GRIN2C: variants seen among roughly 807,000 people sequenced by gnomAD.
The protein encoded by GRIN2C is glutamate ionotropic receptor NMDA type subunit 2C.
A neutral mutation model predicts 77.7 loss-of-function variants in GRIN2C; 64 were observed. The observed-to-expected ratio is 0.82, with a 90% CI of 0.67 to 1.01. GRIN2C has a LOEUF of 1.01. GRIN2C is among the 50% of genes least tolerant of loss of function. The pLI, the probability that GRIN2C is intolerant of heterozygous loss-of-function variation, is 0.00. For missense variants in GRIN2C, 1,549 were observed against 1,486.0 expected (o/e 1.04, Z -0.70); for synonymous variants, 792 against 643.4 (o/e 1.23, Z -3.49).
At chr17:74,859,912 C>G, upstream of GRIN2C, 1 of 165,176 alleles carries the variant, frequency 6.1e-6, no homozygotes, top group South Asian at 1.7e-4. The surrounding 1 kb of genome is among the most constrained non-coding windows in gnomAD (Gnocchi z 5.9). Context: ...GCGGCGGCTC[C>G]GGGCGGGGAC....
At position 74,850,285 on chromosome 17, in the gene GRIN2C, A is replaced by C. The variant is rs1318635275; in HGVS notation, c.1412T>G (p.Phe471Cys). 1.9e-6 allele frequency: 3 copies of C among 1,613,574 alleles called. No homozygotes were observed. The highest frequency in any genetic ancestry group is 8.5e-7 in the Non-Finnish European group (1 of 1,179,934). ...GGTCACCAGGTACAGGTCGTAGGAG[A>C]ATTTGACCACTCTGGCCAGCTTCTT... ...ILKKLARVVK[F>C]SYDLYLVTNG... Residue 471 changes from phenylalanine to cysteine, a missense_variant, in exon 6 of 13, where the codon TTC becomes TGC. Around this residue, in one of 3 missense-constraint regions of GRIN2C, gnomAD observed 717 missense variants for 858.1 expected, o/e 0.84. Transcript: ENST00000293190. The surrounding 1 kb of genome is among the most constrained non-coding windows in gnomAD (Gnocchi z 5.3).
Position 74,850,791 on chromosome 17 carries a change from C to G in GRIN2C, c.1114-24G>C, listed in dbSNP as rs371243574. 156 of 1,585,346 alleles carry G rather than the reference C, an allele frequency of 9.8e-5. No individual in the cohort carries two copies. The highest frequency in any genetic ancestry group is 1.2e-4 in the Non-Finnish European group (142 of 1,161,166). ...ACCTGTGGAGGGTGACAGCCTCAGC[C>G]TGGGGCCTCCAGCCCTACAGCCCCC... On this transcript the variant is annotated intron_variant, in intron 4 of 12. Coordinates refer to ENST00000293190, the MANE Select transcript of GRIN2C (RefSeq NM_000835.6). The surrounding 1 kb of genome is among the most constrained non-coding windows in gnomAD (Gnocchi z 5.3).
rs913818899 is a variant in GRIN2C, at chr17:74,849,206, G to T, written c.1645+574C>A. Among the ~76,000 whole-genome samples, 3 of 152,002 alleles carry T rather than the reference G, an allele frequency of 2.0e-5. No homozygotes were observed. Among genetic ancestry groups the T allele is most frequent in the African/African-American group, 7.3e-5 (3 of 41,378 alleles). On this transcript the variant is annotated intron_variant, in intron 7 of 12. Coordinates refer to ENST00000293190, the MANE Select transcript of GRIN2C (RefSeq NM_000835.6). The surrounding 1 kb of genome is among the most constrained non-coding windows in gnomAD (Gnocchi z 4.6). ...CGAGGCCACACAGCAGGACAGGGCA[G>T]AGCCGGGGTTTCCACTCCTGTCTGG...
At chr17:74,856,867 G>C (rs989635788) in intron 1 of GRIN2C, among the ~76,000 whole-genome samples, 3 of 152,140 alleles carry the variant, frequency 2.0e-5, no homozygotes, top group African/African-American at 7.2e-5. Flanking sequence ...GGAATCCAGA[G>C]AGCGGGGAAG....
chr17:74,854,465 C>T (rs2037753303), intron 2 of GRIN2C: 2 of 524,876 alleles, frequency 3.8e-6, no homozygotes, highest in Non-Finnish European at 6.8e-6. Context: ...GGTGGGCCTG[C>T]ACCCTGCCCA....
Position 74,843,533 on chromosome 17 carries a change from G to A in GRIN2C, c.2604C>T (p.Ser868=). ...AFSRGIYSCF[S]GVQSLASPPR... ...GTGGGCTGGCGAGGCTCTGCACCCC[G>A]CTGAAGCAGCTGTAGATGCCCTGGG... The change falls in exon 13 of 13, where the codon AGC becomes AGT. Residue 868 remains serine (S), a synonymous_variant. Coordinates refer to ENST00000293190, the MANE Select transcript of GRIN2C (RefSeq NM_000835.6). 3 of 1,533,128 alleles carry A rather than the reference G, an allele frequency of 2.0e-6. No individual in the cohort carries two copies. Among genetic ancestry groups the A allele is most frequent in the Non-Finnish European group, 2.6e-6 (3 of 1,146,424 alleles). The allele number at this position is 1,533,128 out of a possible 1,614,324, so 95.0% of individuals were successfully genotyped here.
chr17:74,846,101 G>A lies in GRIN2C; in HGVS notation c.2315C>T (p.Ala772Val). ...AMQKDSHWKR[A>V]IDLALLQFLG... ...GAACTGCAAGAGCGCCAGGTCTATG[G>A]CCCGCTTCCAGTGGGAGTCCTTCTG... The change falls in exon 11 of 13, where the codon GCC becomes GTC. Residue 772 changes from alanine (A) to valine (V), a missense_variant. Around this residue, in one of 3 missense-constraint regions of GRIN2C, gnomAD observed 717 missense variants for 858.1 expected, o/e 0.84. Transcript: ENST00000293190. This position sits in a 1 kb window ranked among gnomAD's most constrained non-coding sequence, Gnocchi z 4.4. The A allele has an allele frequency of 1.9e-6, 3 of 1,614,174 alleles. No individual in the cohort carries two copies. Among genetic ancestry groups the A allele is most frequent in the Non-Finnish European group, 2.5e-6 (3 of 1,179,998 alleles).
At position 74,846,383 on chromosome 17, in the gene GRIN2C, C is replaced by T; in HGVS notation, c.2163-130G>A. The T allele has an allele frequency of 1.4e-6, 1 of 738,224 alleles. No homozygotes were observed. The highest frequency in any genetic ancestry group is 1.7e-5 in the African/African-American group (1 of 57,398). The allele number at this position is 738,224 out of a possible 1,614,324, so 45.7% of individuals were successfully genotyped here. A position where few individuals can be genotyped will look rare whatever the true frequency, so the allele number is the denominator to read the frequency against. On this transcript the variant is annotated intron_variant, in intron 10 of 12. Coordinates refer to ENST00000293190, the MANE Select transcript of GRIN2C (RefSeq NM_000835.6). This position sits in a 1 kb window ranked among gnomAD's most constrained non-coding sequence, Gnocchi z 4.4. ...CCCGGGAGGGACCAATGGGCAGAGA[C>T]TTGTCTGGTTCTCTTGGGTCCTGGA... is the stretch of plus-strand genomic sequence containing the variant.
chr17:74,846,716 G>T lies in GRIN2C; in HGVS notation c.2162+44C>A. ...TTGAGAGCTAAGGCTGGTCACTGGG[G>T]AGACACACGGATGAAGACAGCGGGT... is the stretch of plus-strand genomic sequence containing the variant. On this transcript the variant is annotated intron_variant, in intron 10 of 12. Transcript: ENST00000293190. The surrounding 1 kb of genome is among the most constrained non-coding windows in gnomAD (Gnocchi z 4.4). 8 of 1,588,190 alleles carry T rather than the reference G, an allele frequency of 5.0e-6. No homozygotes were observed. Among genetic ancestry groups the T allele is most frequent in the Non-Finnish European group, 6.9e-6 (8 of 1,163,124 alleles).
upstream of GRIN2C, among the ~76,000 whole-genome samples, chr17:74,861,175 C>G (rs527695166): frequency 2.6e-5 from 4 of 152,192 alleles, no homozygotes; most frequent in African/African-American, 4.8e-5. Context: ...GTCCTTCTCT[C>G]GCGTCCGCCG....
rs769283430 is a variant in GRIN2C, at chr17:74,849,740, C to G, written c.1645+40G>C. On this transcript the variant is annotated intron_variant, in intron 7 of 12. Coordinates refer to ENST00000293190, the MANE Select transcript of GRIN2C (RefSeq NM_000835.6). This position sits in a 1 kb window ranked among gnomAD's most constrained non-coding sequence, Gnocchi z 4.6. ...CTGTACACACCCTCCTCGTGGGCCC[C>G]TCTGCCCCCGGAGCCGTCTCTGCCC... 8.2e-6 allele frequency: 13 copies of G among 1,590,204 alleles called. No individual in the cohort carries two copies. In the South Asian group the frequency reaches 1.3e-4, roughly 16 times the overall value.
At position 74,847,795 on chromosome 17, in the gene GRIN2C, G is replaced by T; in HGVS notation, c.1771+57C>A. 6.3e-7 allele frequency: 1 copy of T among 1,599,492 alleles called. No individual in the cohort carries two copies. Among genetic ancestry groups the T allele is most frequent in the Non-Finnish European group, 8.6e-7 (1 of 1,168,628 alleles). On this transcript the variant is annotated intron_variant, in intron 8 of 12. Transcript: ENST00000293190. This position sits in a 1 kb window ranked among gnomAD's most constrained non-coding sequence, Gnocchi z 5.2. The stretch of plus-strand genomic sequence containing the variant: ...TCTCTGAAGGACCCGTTGCCCCTGA[G>T]CCCAGCCCTCAGGGTGCCCAGGCCC...
At position 74,842,506 on chromosome 17, in the gene GRIN2C, C is replaced by G. The variant is rs146359205; in HGVS notation, c.3631G>C (p.Ala1211Pro). ...SGGLDEISRV[A>P]RGTQGFPGPC... ...CCCGGGAAGCCTTGCGTCCCACGGG[C>G]TACCCTGCTGATCTCGTCCAGTCCC... is the stretch of plus-strand genomic sequence containing the variant. Residue 1211 changes from alanine (A) to proline (P), a missense_variant, in exon 13 of 13, where the codon GCC becomes CCC. By Grantham distance (27) the Ala-to-Pro change is conservative. Around this residue, in one of 3 missense-constraint regions of GRIN2C, gnomAD observed 450 missense variants for 267.9 expected, o/e 1.68. Transcript: ENST00000293190. 8 of 779,258 alleles carry G rather than the reference C, an allele frequency of 1.0e-5. No homozygotes were observed. The highest frequency in any genetic ancestry group is 9.4e-5 in the South Asian group (7 of 74,464). The allele number at this position is 779,258 out of a possible 1,614,324, so 48.3% of individuals were successfully genotyped here.
Position 74,849,542 on chromosome 17 carries a change from C to T in GRIN2C, c.1645+238G>A, listed in dbSNP as rs1257492906. Among the ~76,000 whole-genome samples the T allele has an allele frequency of 6.6e-6, 1 of 152,204 alleles. No homozygotes were observed. Among genetic ancestry groups the T allele is most frequent in the East Asian group, 1.9e-4 (1 of 5,200 alleles). Reference sequence around the variant, plus strand: ...GATTTTCCTGCCACTCACAGTGGCACCACGACCCATCCCACACCCCCAACC... The same window carrying T: ...GATTTTCCTGCCACTCACAGTGGCATCACGACCCATCCCACACCCCCAACC... On this transcript the variant is annotated intron_variant, in intron 7 of 12. Coordinates refer to ENST00000293190, the MANE Select transcript of GRIN2C (RefSeq NM_000835.6). The surrounding 1 kb of genome is among the most constrained non-coding windows in gnomAD (Gnocchi z 4.6).
Position 74,848,059 on chromosome 17 carries a change from T to C in GRIN2C, c.1646-82A>G, listed in dbSNP as rs115547593. 8,170 of 1,505,760 alleles carry C rather than the reference T, an allele frequency of 5.4e-3. 351 individuals carry two copies. In the African/African-American group the frequency reaches 0.097, roughly 18 times the overall value. The allele number at this position is 1,505,760 out of a possible 1,614,324, so 93.3% of individuals were successfully genotyped here. On this transcript the variant is annotated intron_variant, in intron 7 of 12. Transcript: ENST00000293190. ...GAAGCACTGGGTGGAGACAGGTAGG[T>C]CCACGTGATCAAAGTAGGGGCCCAC... is the stretch of plus-strand genomic sequence containing the variant.
Position 74,854,801 on chromosome 17 carries a change from T to C in GRIN2C, c.292A>G (p.Asn98Asp). The C allele has an allele frequency of 6.2e-7, 1 of 1,613,808 alleles. No individual in the cohort carries two copies. The highest frequency in any genetic ancestry group is 8.5e-7 in the Non-Finnish European group (1 of 1,179,722). The change falls in exon 2 of 13, where the codon AAC becomes GAC. Residue 98 changes from asparagine (N) to aspartate (D), a missense_variant. Transcript: ENST00000293190. ...TGGGCCACCGCCTCGGTGTCCACGT[T>C]GTCCTCAAAGACAATGCCGTGGACG... ...AHVHGIVFED[N>D]VDTEAVAQIL... is the part of the protein sequence containing the mutation.
chr17:74,860,746 G>A (rs2037931742), upstream of GRIN2C: 1 of 344,210 alleles, frequency 2.9e-6, no homozygotes, highest in Non-Finnish European at 5.7e-6. Context: ...CCACTACTCT[G>A]GAAGCCCACT....
chr17:74,850,623 C>T lies in GRIN2C; in HGVS notation c.1258G>A (p.Asp420Asn), dbSNP rs753656876. 6.2e-7 allele frequency: 1 copy of T among 1,613,684 alleles called. No individual in the cohort carries two copies. The highest frequency in any genetic ancestry group is 1.1e-5 in the South Asian group (1 of 91,084). Reference protein sequence around the residue: ...ERPFVIVESPDPGTGGCVPNT... With the variant: ...ERPFVIVESPNPGTGGCVPNT... ...GGGACACAGCCTCCTGTGCCAGGGT[C>T]AGGGCTCTCCACGATGACAAAGGGC... Residue 420 changes from aspartate to asparagine, a missense_variant, in exon 5 of 13, where the codon GAC (aspartate) becomes AAC (asparagine). Asp to Asn is a conservative substitution (Grantham distance 23). Transcript: ENST00000293190. The surrounding 1 kb of genome is among the most constrained non-coding windows in gnomAD (Gnocchi z 5.3).
At position 74,842,113 on chromosome 17, in the gene GRIN2C, C is replaced by T. The variant is rs1168987610; in HGVS notation, c.*322G>A. The T allele has an allele frequency of 6.0e-6, 2 of 332,312 alleles. No individual in the cohort carries two copies. The highest frequency in any genetic ancestry group is 1.1e-5 in the Non-Finnish European group (2 of 181,736). The allele number at this position is 332,312 out of a possible 1,614,324, so 20.6% of individuals were successfully genotyped here. Reference sequence around the variant, plus strand: ...AGGATCGGGATGGCCCTGCCTCAACCACAAGTTCCAGCCTCCATGCCCACA... The same window carrying T: ...AGGATCGGGATGGCCCTGCCTCAACTACAAGTTCCAGCCTCCATGCCCACA... On this transcript the variant is annotated 3_prime_UTR_variant, in exon 13 of 13. Coordinates refer to ENST00000293190, the MANE Select transcript of GRIN2C (RefSeq NM_000835.6).
Sources: allele counts gnomAD v4.1 joint callset (sites outside exome capture counted in the v4.1 genomes callset), GRCh38; gene constraint gnomAD v4.1.1; regional missense constraint gnomAD v4.1.1; non-coding constraint Gnocchi (gnomAD v3.1); transcripts MANE v1.5; gene names NCBI Gene and HGNC (gene_info 2026-07-23, HGNC 2026-07-21).